The following RPA1 variants were observed in gnomAD, a reference collection of about 807,000 sequenced individuals.
RPA1 encodes the protein replication protein A 70 kDa DNA-binding subunit.
RPA1 carries 49 observed loss-of-function variants against 83.0 expected under a neutral mutation model. The observed-to-expected ratio is 0.59, with a 90% CI of 0.47 to 0.75. The LOEUF (loss-of-function observed/expected upper bound fraction) is 0.75. Ranked by LOEUF, RPA1 falls within the 30% of genes least tolerant of loss-of-function variation. The pLI is 0.00. For missense variants in RPA1, 693 were observed against 776.1 expected (o/e 0.89, Z 1.27); for synonymous variants, 279 against 281.8 (o/e 0.99, Z 0.10).
chr17:1,857,512 A>G (rs1912751944), intron 5 of RPA1, among the ~76,000 whole-genome samples: 1 of 151,578 alleles, frequency 6.6e-6, no homozygotes, highest in Non-Finnish European at 1.5e-5. Flanking sequence ...GCTGGGACAG[A>G]CTAATTCCCC....
At chr17:1,831,674 C>T (rs1444490824) in intron 1 of RPA1, among the ~76,000 whole-genome samples, 1 of 151,024 alleles carries the variant, frequency 6.6e-6, no homozygotes, top group Non-Finnish European at 1.5e-5. Context: ...TCTCGGCTCA[C>T]TGCAAGCTCT....
At chr17:1,855,449 A>G (rs1912658091) in intron 5 of RPA1, among the ~76,000 whole-genome samples, 2 of 152,134 alleles carry the variant, frequency 1.3e-5, no homozygotes, top group Admixed American at 1.3e-4. Context: ...TGGGCCTCCC[A>G]AAGTGCTGGG....
chr17:1,845,508 C>T (rs1723659863), intron 4 of RPA1, among the ~76,000 whole-genome samples: 1 of 152,010 alleles, frequency 6.6e-6, no homozygotes, highest in African/African-American at 2.4e-5. Flanking sequence ...CGCACTTCAG[C>T]CTGGGCAGCA....
chr17:1,896,590 G>T (rs1026766476), intron 16 of RPA1, among the ~76,000 whole-genome samples: 1 of 152,202 alleles, frequency 6.6e-6, no homozygotes, highest in African/African-American at 2.4e-5. Context: ...GGAAGGTGAA[G>T]TGAAGAGAGG....
intron 4 of RPA1, among the ~76,000 whole-genome samples, chr17:1,847,200 G>T (rs1273465226): frequency 1.3e-5 from 2 of 152,170 alleles, no homozygotes; most frequent in Admixed American, 1.3e-4. Context: ...AATGTGGACA[G>T]TCCTGTCCAG....
intron 3 of RPA1, 78 bp from the exon 4 acceptor site, chr17:1,844,500 C>T: frequency 9.2e-7 from 1 of 1,088,186 alleles, no homozygotes; most frequent in Non-Finnish European, 1.4e-6. Context: ...TTTTTCTTTG[C>T]TAGCACAGGT....
chr17:1,848,720 T>C (rs1399959001), intron 4 of RPA1, among the ~76,000 whole-genome samples: 2 of 151,964 alleles, frequency 1.3e-5, no homozygotes, highest in Admixed American at 1.3e-4. Flanking sequence ...TGCACCACCA[T>C]GCCTGGCTAA....
intron 13 of RPA1, among the ~76,000 whole-genome samples, chr17:1,885,276 G>A (rs1042561005): frequency 6.6e-6 from 1 of 152,120 alleles, no homozygotes; most frequent in South Asian, 2.1e-4. Context: ...AAGTTTGATC[G>A]TGAGATTACA....
Position 1,844,625 on chromosome 17 carries a change from T to C in RPA1, c.211T>C (p.Leu71=). ...QLNPLVEEEQ[L]SSNCVCQIHR... ...GAACCCTCTCGTGGAGGAAGAACAA[T>C]TGTCCAGCAACTGTGTATGCCAGAT... The change falls in exon 4 of 17, where the codon TTG becomes CTG. Residue 71 remains leucine, a synonymous_variant. Transcript: ENST00000254719. 1.2e-6 allele frequency: 2 copies of C among 1,613,870 alleles called. No individual in the cohort carries two copies. The highest frequency in any genetic ancestry group is 1.1e-5 in the South Asian group (1 of 90,962).
intron 5 of RPA1, among the ~76,000 whole-genome samples, chr17:1,856,627 A>C (rs1421416309): frequency 1.3e-5 from 2 of 150,948 alleles, no homozygotes; most frequent in Non-Finnish European, 3.0e-5. Flanking sequence ...AACTATATAT[A>C]GTTTTTATTT....
At chr17:1,858,188 C>T (rs1018249844) in intron 5 of RPA1, 12 of 1,613,854 alleles carry the variant, frequency 7.4e-6, no homozygotes, top group Middle Eastern at 1.6e-4. Flanking sequence ...AGAGGGAAGA[C>T]GAGTGCAAAC....
chr17:1,870,726 A>G (rs1913347393), intron 5 of RPA1, among the ~76,000 whole-genome samples: 1 of 152,202 alleles, frequency 6.6e-6, no homozygotes, highest in South Asian at 2.1e-4. Context: ...TTTTATAGAA[A>G]TTGAATCTAT....
chr17:1,886,032 G>A lies in RPA1; in HGVS notation c.1374+2088G>A, dbSNP rs1221099171. Among the ~76,000 whole-genome samples the A allele has an allele frequency of 2.0e-5, 3 of 151,796 alleles. No homozygotes were observed. In the East Asian group the frequency reaches 5.8e-4, roughly 29 times the overall value. On this transcript the variant is annotated intron_variant, in intron 13 of 16. Transcript: ENST00000254719. ...TACTGTGTGTCTCCATTGAGCCCTT[G>A]GGTGAACAGGTGCATTGTCAATATA... is the stretch of plus-strand genomic sequence containing the variant.
chr17:1,854,040 CT>C (rs1473633484), intron 5 of RPA1: 13 of 152,096 alleles, frequency 8.5e-5, no homozygotes, highest in African/African-American at 3.1e-4. Flanking sequence ...GTGATTATCT[CT>C]TGATGGTGAA....
rs1338061822 is a variant in RPA1 at position 1,884,939 on chromosome 17, G to A, written c.1374+995G>A. Among the ~76,000 whole-genome samples, 2 of 152,208 alleles carry A rather than the reference G, an allele frequency of 1.3e-5. No individual in the cohort carries two copies. Among genetic ancestry groups the A allele is most frequent in the South Asian group, 2.1e-4 (1 of 4,836 alleles). ...CAGGGTTGATGGCTGAGCAGTCACGGCGATGGTTGCTGAACATCGGCGTGT... is the reference window on the plus strand; with the variant it reads ...CAGGGTTGATGGCTGAGCAGTCACGACGATGGTTGCTGAACATCGGCGTGT... On this transcript the variant is annotated intron_variant, in intron 13 of 16. Coordinates refer to ENST00000254719, the MANE Select transcript of RPA1 (RefSeq NM_002945.5). The surrounding 1 kb of genome is among the most constrained non-coding windows in gnomAD (Gnocchi z 4.1).
chr17:1,855,322 C>T (rs190578191), intron 5 of RPA1, among the ~76,000 whole-genome samples: 15 of 146,356 alleles, frequency 1.0e-4, no homozygotes, highest in African/African-American at 3.6e-4. Context: ...ACACCACACC[C>T]GGCTAAAATT....
chr17:1,880,563 T>C lies in RPA1; in HGVS notation c.1113T>C (p.Ser371=). The C allele has an allele frequency of 6.2e-7, 1 of 1,614,178 alleles. No individual in the cohort carries two copies. The highest frequency in any genetic ancestry group is 8.5e-7 in the Non-Finnish European group (1 of 1,180,020). Residue 371 remains serine (S), a synonymous_variant, in exon 12 of 17, where the codon TCT becomes TCC. Transcript: ENST00000254719. ...TACAGGCTGATAAATTTGATGGTTCTAGACAGCCCGTGTTGGCTATCAAAG... is the reference window on the plus strand; with the variant it reads ...TACAGGCTGATAAATTTGATGGTTCCAGACAGCCCGTGTTGGCTATCAAAG... ...WGEDADKFDG[S]RQPVLAIKGA...
At chr17:1,883,674 C>A in intron 12 of RPA1, 138 bp from the exon 13 acceptor site, 1 of 784,290 alleles carries the variant, frequency 1.3e-6, no homozygotes. Context: ...CCAGCTTCAG[C>A]CGACATGACC....
chr17:1,834,689 A>C lies in RPA1; in HGVS notation c.33+4563A>C, dbSNP rs139393332. Among the ~76,000 whole-genome samples the C allele has an allele frequency of 1.1e-3, 162 of 152,286 alleles. 3 individuals are homozygous for C. Among genetic ancestry groups the C allele is most frequent in the Non-Finnish European group, 1.9e-3 (129 of 68,032 alleles). On this transcript the variant is annotated intron_variant, in intron 1 of 16. Transcript: ENST00000254719. ...AAGGGGAAGGGAACTAATGTTTTTG[A>C]CTATTTCTAATGTGACAGATGCTTT...
Sources: gnomAD v4.1 joint callset for allele counts (sites outside exome capture counted in the v4.1 genomes callset) on GRCh38, gnomAD v4.1.1 for gene constraint, Gnocchi (gnomAD v3.1) non-coding constraint, MANE v1.5 for transcripts, NCBI Gene and HGNC (gene_info 2026-07-23, HGNC 2026-07-21) for gene names.